The following AP1G1 variants were observed in gnomAD, a reference collection of about 807,000 sequenced individuals.
AP1G1 encodes AP-1 complex subunit gamma-1.
In AP1G1, 7 loss-of-function variants were observed where a neutral mutation model predicts 108.3. The observed-to-expected ratio is 0.06, with a 90% CI of 0.04 to 0.12. AP1G1 has a LOEUF of 0.12. AP1G1 is among the 10% of genes least tolerant of loss of function. The pLI, the probability that AP1G1 is intolerant of heterozygous loss-of-function variation, is 1.00. For synonymous variants in AP1G1, 379 were observed against 353.5 expected (o/e 1.07, Z -0.81); for missense variants, 756 against 1,010.7 (o/e 0.75, Z 3.42).
intron 8 of AP1G1, 42 bp downstream of exon 8, chr16:71,764,603 GA>G: frequency 6.9e-7 from 1 of 1,449,502 alleles, no homozygotes; most frequent in Admixed American, 2.3e-5. Flanking sequence ...TACTCCCAGC[GA>G]AACTAAAATA....
intron 12 of AP1G1, 182 bp downstream of exon 12, chr16:71,755,837 G>A (rs2030757160): frequency 4.9e-6 from 3 of 609,198 alleles, no homozygotes; most frequent in Admixed American, 5.7e-5. Context: ...GTGGCGACAG[G>A]GTTTCACTAT....
intron 2 of AP1G1, among the ~76,000 whole-genome samples, chr16:71,787,189 C>A (rs2032233844): frequency 6.6e-6 from 1 of 151,798 alleles, no homozygotes; most frequent in Non-Finnish European, 1.5e-5. Flanking sequence ...TGTGGTGGCA[C>A]ACACCTGTAG....
intron 1 of AP1G1, among the ~76,000 whole-genome samples, chr16:71,806,170 A>T (rs7186112): frequency 0.86 from 130,927 of 152,224 alleles, 56,460 homozygotes; most frequent in East Asian, 0.99. Context: ...CTGTACTTTA[A>T]AGTTTCACTC....
Position 71,746,614 on chromosome 16 carries a change from T to G in AP1G1, c.1704A>C (p.Ala568=). ...ELQQRAVEYN[A]LFKKYDHMRS... ...TCATGTGGTCATATTTCTTGAAAAGTGCATTATATTCTACTGCCCTCTGCT... is the reference window on the plus strand; with the variant it reads ...TCATGTGGTCATATTTCTTGAAAAGGGCATTATATTCTACTGCCCTCTGCT... The change falls in exon 17 of 23, where the codon GCA becomes GCC. Residue 568 remains alanine (A), a synonymous_variant. Transcript: ENST00000299980. 2 of 1,611,952 alleles carry G rather than the reference T, an allele frequency of 1.2e-6. No individual in the cohort carries two copies. Among genetic ancestry groups the G allele is most frequent in the Non-Finnish European group, 1.7e-6 (2 of 1,178,906 alleles).
intron 15 of AP1G1, 43 bp from the exon 16 acceptor site, chr16:71,748,421 C>T (rs948657634): frequency 7.5e-6 from 12 of 1,590,530 alleles, no homozygotes; most frequent in Non-Finnish European, 9.4e-6. Context: ...GAATGAGTAG[C>T]ATGATTAAGC....
chr16:71,800,378 A>G (rs1245602346), intron 1 of AP1G1, among the ~76,000 whole-genome samples: 1 of 148,352 alleles, frequency 6.7e-6, no homozygotes, highest in Non-Finnish European at 1.5e-5. Context: ...ATCTCAAAAA[A>G]AAAAAAAAAA....
intron 2 of AP1G1, among the ~76,000 whole-genome samples, chr16:71,775,905 C>T (rs2031764235): frequency 6.6e-6 from 1 of 152,104 alleles, no homozygotes; most frequent in Admixed American, 6.6e-5. Context: ...TTAGTTTGTC[C>T]CTCTACTTTG....
At position 71,755,771 on chromosome 16, in the gene AP1G1, G is replaced by A. The variant is rs148396889; in HGVS notation, c.1229+248C>T. On this transcript the variant is annotated intron_variant, in intron 12 of 22. Transcript: ENST00000299980. Reference sequence around the variant, plus strand: ...AGTGATTCTCCTGCCTCAGCCTGCCGAGTAGCTGGGACTACAGGCGCGTGC... The same window carrying A: ...AGTGATTCTCCTGCCTCAGCCTGCCAAGTAGCTGGGACTACAGGCGCGTGC... 4.5e-3 allele frequency among the ~76,000 whole-genome samples: 690 copies of A among 151,958 alleles called. 11 individuals carry two copies. The highest frequency in any genetic ancestry group is 0.016 in the African/African-American group (665 of 41,444).
intron 14 of AP1G1, 83 bp downstream of exon 14, chr16:71,750,127 G>A (rs774784933): frequency 1.3e-6 from 2 of 1,545,524 alleles, no homozygotes; most frequent in Non-Finnish European, 1.8e-6. Context: ...GGGGAGAGAG[G>A]AGGGGGGAAA....
intron 2 of AP1G1, among the ~76,000 whole-genome samples, chr16:71,777,235 G>A (rs186097254): frequency 6.6e-6 from 1 of 150,716 alleles, no homozygotes; most frequent in East Asian, 2.0e-4. Context: ...ATCTGAGGGA[G>A]ATCCCAGGCA....
chr16:71,751,154 C>CA (rs397697049), intron 13 of AP1G1: 9,018 of 82,904 alleles, frequency 0.11, 416 homozygotes, highest in Non-Finnish European at 0.16. Flanking sequence ...GACTCCGTCT[C>CA]AAAAAAAAAA....
intron 1 of AP1G1, among the ~76,000 whole-genome samples, chr16:71,792,939 G>A (rs1044058545): frequency 7.9e-5 from 12 of 151,726 alleles, no homozygotes; most frequent in Admixed American, 1.3e-4. Context: ...ACACAGACCC[G>A]AGCAGATCGC....
rs141805959 is a variant in AP1G1, at chr16:71,734,758, G to C, written c.2269-51C>G. 5,111 of 1,469,784 alleles carry C rather than the reference G, an allele frequency of 3.5e-3. 9 individuals carry two copies. The highest frequency in any genetic ancestry group is 4.0e-3 in the Non-Finnish European group (4,233 of 1,050,190). 91.0% of individuals were successfully genotyped at this position (1,469,784 alleles called of 1,614,324 possible). ...CAGAAAAAGAATTACACAACGCTAG[G>C]TCAGAGATACCAAAAACCATTTAGA... On this transcript the variant is annotated intron_variant, in intron 21 of 22. Coordinates refer to ENST00000299980, the MANE Select transcript of AP1G1 (RefSeq NM_001128.6).
At chr16:71,751,307 G>A (rs913026177) in intron 13 of AP1G1, 1 of 151,722 alleles carries the variant, frequency 6.6e-6, no homozygotes, top group East Asian at 1.9e-4. Flanking sequence ...CACACAGCAA[G>A]ACTCCATCAC....
intron 13 of AP1G1, 22 bp from the exon 14 acceptor site, chr16:71,750,354 T>C: frequency 6.2e-7 from 1 of 1,612,836 alleles, no homozygotes. Context: ...TGCAGACAAT[T>C]ACCCCTAGAA....
chr16:71,746,807 T>G, intron 16 of AP1G1, 115 bp from the exon 17 acceptor site: 1 of 684,546 alleles, frequency 1.5e-6, no homozygotes, highest in Non-Finnish European at 2.4e-6. Flanking sequence ...ACTCATTTTT[T>G]CTTAATTTAT....
chr16:71,762,299 T>C (rs1314145757), intron 9 of AP1G1, among the ~76,000 whole-genome samples: 1 of 152,170 alleles, frequency 6.6e-6, no homozygotes, highest in Non-Finnish European at 1.5e-5. Context: ...TATGAGGTAC[T>C]GTGATATGGT....
rs753577597 is a variant in AP1G1, at chr16:71,774,457, G to T, written c.326+11C>A. ...TTAACAGTTGTTAGAAGAAAGAAAA[G>T]TAAGACTTACTTCTTGATACAGTTG... is the stretch of plus-strand genomic sequence containing the variant. On this transcript the variant is annotated intron_variant, in intron 3 of 22. Coordinates refer to ENST00000299980, the MANE Select transcript of AP1G1 (RefSeq NM_001128.6). The T allele has an allele frequency of 1.9e-6, 3 of 1,588,832 alleles. No individual in the cohort carries two copies. The highest frequency in any genetic ancestry group is 1.4e-5 in the African/African-American group (1 of 73,050).
intron 2 of AP1G1, among the ~76,000 whole-genome samples, chr16:71,787,256 T>C (rs529548085): frequency 1.5e-4 from 22 of 143,110 alleles, no homozygotes; most frequent in African/African-American, 5.3e-4. Flanking sequence ...TAGGTGGAGG[T>C]TGAAGTGAGC....
Sources: gnomAD v4.1 joint callset for allele counts (sites outside exome capture counted in the v4.1 genomes callset) on GRCh38, gnomAD v4.1.1 for gene constraint, MANE v1.5 for transcripts, NCBI Gene and HGNC (gene_info 2026-07-23, HGNC 2026-07-21) for gene names.